The following PARD3 variants were observed in gnomAD, a reference collection of about 807,000 sequenced individuals.
PARD3 encodes the protein par-3 family cell polarity regulator.
Under a neutral mutation model 155.4 loss-of-function variants are expected in PARD3, and 75 were observed. That is an observed-to-expected ratio of 0.48 (90% CI 0.40 to 0.58). The LOEUF (loss-of-function observed/expected upper bound fraction) is 0.58, where lower values mean the gene tolerates loss of function less well. Among genes scored for constraint, PARD3 ranks in the 20% least tolerant of loss-of-function variants. PARD3 has a pLI of 0.00. For synonymous variants in PARD3, 576 were observed against 610.5 expected (o/e 0.94, Z 0.83); for missense variants, 1,642 against 1,721.7 (o/e 0.95, Z 0.82).
chr10:34,435,536 T>C (rs1454206344), intron 5 of PARD3, among the ~76,000 whole-genome samples: 1 of 152,204 alleles, frequency 6.6e-6, no homozygotes, highest in East Asian at 1.9e-4. Context: ...GACACTAATA[T>C]CTGTTGACTA....
chr10:34,562,755 TTTAA>T (rs1404094096), intron 2 of PARD3, among the ~76,000 whole-genome samples: 8 of 151,776 alleles, frequency 5.3e-5, no homozygotes, highest in African/African-American at 1.9e-4. Flanking sequence ...AACTGATTAT[TTTAA>T]TTTTTTTTTT....
chr10:34,538,244 A>G (rs1406319544), intron 2 of PARD3, among the ~76,000 whole-genome samples: 1 of 152,256 alleles, frequency 6.6e-6, no homozygotes, highest in Non-Finnish European at 1.5e-5. Flanking sequence ...TAGGGTTCCT[A>G]GCATCAAATA....
intron 2 of PARD3, among the ~76,000 whole-genome samples, chr10:34,681,754 ATATATATATATATATTTTTTTTT>A (rs1200413457): frequency 4.2e-4 from 8 of 18,994 alleles, no homozygotes; most frequent in African/African-American, 1.6e-3. Context: ...ATATATATAT[ATATATATATATATATTTTTTTTT>A]TTTTTTTTTT....
intron 3 of PARD3, among the ~76,000 whole-genome samples, chr10:34,501,734 C>G (rs952095339): frequency 6.6e-6 from 1 of 151,144 alleles, no homozygotes; most frequent in African/African-American, 2.4e-5. Flanking sequence ...CCCTCCTCCC[C>G]GCCAAAAAAA....
intron 2 of PARD3, among the ~76,000 whole-genome samples, chr10:34,519,843 A>AACATAACATG (rs2082023878): frequency 6.6e-6 from 1 of 150,892 alleles, no homozygotes; most frequent in Non-Finnish European, 1.5e-5. Flanking sequence ...AACATAACAT[A>AACATAACATG]ACATAACATA....
chr10:34,662,809 T>C (rs1399925639), intron 2 of PARD3, among the ~76,000 whole-genome samples: 1 of 151,464 alleles, frequency 6.6e-6, no homozygotes, highest in Admixed American at 6.6e-5. Context: ...GAGACCAATG[T>C]TGCAGTGAGG....
At chr10:34,500,653 AACAG>A (rs2080630580) in intron 3 of PARD3, among the ~76,000 whole-genome samples, 1 of 152,132 alleles carries the variant, frequency 6.6e-6, no homozygotes, top group Non-Finnish European at 1.5e-5. Flanking sequence ...GAGGTGGGAG[AACAG>A]CTTGAACCCA....
intron 22 of PARD3, among the ~76,000 whole-genome samples, chr10:34,210,591 A>T (rs1160630310): frequency 6.6e-6 from 1 of 152,158 alleles, no homozygotes; most frequent in Non-Finnish European, 1.5e-5. Context: ...TTCTCTCCTG[A>T]TTGACATAGT....
At chr10:34,363,349 A>C (rs1427506234) in intron 12 of PARD3, among the ~76,000 whole-genome samples, 1 of 152,226 alleles carries the variant, frequency 6.6e-6, no homozygotes, top group Admixed American at 6.5e-5. Context: ...CAACTGCAGA[A>C]TGGGAATAAT....
intron 24 of PARD3, among the ~76,000 whole-genome samples, chr10:34,117,333 G>A (rs1946733382): frequency 6.6e-6 from 1 of 152,186 alleles, no homozygotes; most frequent in Non-Finnish European, 1.5e-5. Flanking sequence ...GAAGTGCCCT[G>A]GCCCACCCGT....
At chr10:34,172,201 G>T (rs1949829010) in intron 22 of PARD3, among the ~76,000 whole-genome samples, 1 of 151,990 alleles carries the variant, frequency 6.6e-6, no homozygotes, top group Non-Finnish European at 1.5e-5. Flanking sequence ...AATTCATATG[G>T]GCTTAGATAT....
intron 2 of PARD3, among the ~76,000 whole-genome samples, chr10:34,624,597 G>A (rs560881130): frequency 6.6e-6 from 1 of 152,326 alleles, no homozygotes; most frequent in Admixed American, 6.5e-5. Flanking sequence ...ACTGAGCCCA[G>A]AAGCCACCAG....
chr10:34,352,989 G>T (rs1444787949), intron 14 of PARD3, among the ~76,000 whole-genome samples: 1 of 127,168 alleles, frequency 7.9e-6, no homozygotes. Flanking sequence ...TGTCTCTGCC[G>T]GACCGCCACC....
At chr10:34,367,841 T>C (rs1416064836) in intron 12 of PARD3, among the ~76,000 whole-genome samples, 1 of 152,250 alleles carries the variant, frequency 6.6e-6, no homozygotes, top group Non-Finnish European at 1.5e-5. Flanking sequence ...TTTCTGAAGT[T>C]AGCCTATCAA....
chr10:34,360,153 A>G lies in PARD3; in HGVS notation c.1814T>C (p.Val605Ala), dbSNP rs1489144791. The change falls in exon 13 of 25, where the codon GTC becomes GCC. Residue 605 changes from valine (V) to alanine (A), a missense_variant. By Grantham distance (64) the Val-to-Ala change is moderately conservative. Around this residue, in one of 3 missense-constraint regions of PARD3, gnomAD observed 1,529 missense variants for 1,587.3 expected, o/e 0.96. Transcript: ENST00000374788. ...GTTCTCTTTTGACCGGTTACCTTTG[A>G]CACTGACACCAAGGCCTGCAGATCC... is the stretch of plus-strand genomic sequence containing the variant. ...DSGSAGLGVSVKGNRSKENHA... is the reference protein window; with the variant it reads ...DSGSAGLGVSAKGNRSKENHA... 1.9e-6 allele frequency: 3 copies of G among 1,613,926 alleles called. No individual in the cohort carries two copies. Among genetic ancestry groups the G allele is most frequent in the African/African-American group, 2.7e-5 (2 of 74,936 alleles).
At chr10:34,322,434 G>A (rs1432779187) in intron 19 of PARD3, among the ~76,000 whole-genome samples, 2 of 152,142 alleles carry the variant, frequency 1.3e-5, no homozygotes, top group South Asian at 4.1e-4. Context: ...GTTGGTCTGA[G>A]TTGCACTTTC....
intron 2 of PARD3, among the ~76,000 whole-genome samples, chr10:34,639,308 A>C (rs1025032657): frequency 6.6e-6 from 1 of 152,170 alleles, no homozygotes; most frequent in African/African-American, 2.4e-5. Flanking sequence ...AGGTAGGAGA[A>C]TCCCTTGAAC....
In PARD3 at chr10:34,516,965, GAGCTTTC is replaced by G; in HGVS notation, c.403+7_403+13del. On this transcript the variant is annotated splice_region_variant and intron_variant, in intron 3 of 24. Coordinates refer to ENST00000374788, the MANE Select transcript of PARD3 (RefSeq NM_001184785.2). The stretch of plus-strand genomic sequence containing the variant: ...TTAAGATGAAATGGAAGAGAAGAAA[GAGCTTTC>G]ACTTACTTGCTCGAAGGACTGAAGG... 6.2e-7 allele frequency: 1 copy of G among 1,609,932 alleles called. No homozygotes were observed. The highest frequency in any genetic ancestry group is 8.5e-7 in the Non-Finnish European group (1 of 1,176,622).
chr10:34,751,013 A>G (rs766488324), intron 1 of PARD3, among the ~76,000 whole-genome samples: 1 of 151,808 alleles, frequency 6.6e-6, no homozygotes, highest in Non-Finnish European at 1.5e-5. Flanking sequence ...TTTTATTTAC[A>G]CTCTCTTACA....
Sources: gnomAD v4.1 joint callset for allele counts (sites outside exome capture counted in the v4.1 genomes callset) on GRCh38, gnomAD v4.1.1 for gene constraint, gnomAD v4.1.1 regional missense constraint, MANE v1.5 for transcripts, NCBI Gene and HGNC (gene_info 2026-07-23, HGNC 2026-07-21) for gene names.